Variants in NDUFA12 observed in about 807,000 individuals in gnomAD.
NDUFA12 encodes the protein NADH dehydrogenase [ubiquinone] 1 alpha subcomplex subunit 12.
In NDUFA12, 17 loss-of-function variants were observed where a neutral mutation model predicts 20.3. That is an observed-to-expected ratio of 0.84 (90% CI 0.57 to 1.26). The LOEUF is 1.26. Among genes scored for constraint, NDUFA12 ranks in the 50% most tolerant of loss-of-function variants. NDUFA12 has a pLI of 0.00. For synonymous variants in NDUFA12, 72 were observed against 63.6 expected, an observed-to-expected ratio of 1.13 and a Z score of -0.63; for missense variants, 191 against 183.7, an observed-to-expected ratio of 1.04 and a Z score of -0.23.
chr12:95,003,685 C>G lies in NDUFA12; in HGVS notation c.-5G>C, dbSNP rs1226451390. 6.2e-7 allele frequency: 1 copy of G among 1,614,050 alleles called. No individual in the cohort carries two copies. Among genetic ancestry groups the G allele is most frequent in the Non-Finnish European group, 8.5e-7 (1 of 1,180,022 alleles). On this transcript the variant is annotated 5_prime_UTR_variant, in exon 1 of 4. Transcript: ENST00000327772. Reference sequence around the variant, plus strand: ...CAGGACCTGCACTAACTCCATCTTGCCTCGCTGGCCCCGCCTCCCGGGTGC... The same window carrying G: ...CAGGACCTGCACTAACTCCATCTTGGCTCGCTGGCCCCGCCTCCCGGGTGC...
intron 2 of NDUFA12, 149 bp downstream of exon 2, chr12:95,002,590 T>A: frequency 1.5e-6 from 1 of 687,126 alleles, no homozygotes; most frequent in Non-Finnish European, 2.5e-6. Context: ...ACTTTTCTTT[T>A]TTCTGTAAAT....
intron 3 of NDUFA12, among the ~76,000 whole-genome samples, chr12:94,981,786 TTAGGTTC>T (rs1874248523): frequency 6.6e-6 from 1 of 152,216 alleles, no homozygotes; most frequent in African/African-American, 2.4e-5. Flanking sequence ...GCAGACTGTG[TTAGGTTC>T]TAGGCAATCC....
chr12:94,985,647 A>T (rs888366712), intron 3 of NDUFA12, among the ~76,000 whole-genome samples: 2 of 150,756 alleles, frequency 1.3e-5, no homozygotes, highest in African/African-American at 2.4e-5. Flanking sequence ...AAAAAAAAAA[A>T]GCGGTTGGCA....
Position 94,985,452 on chromosome 12 carries a change from G to A in NDUFA12, c.257+8718C>T, listed in dbSNP as rs529231537. 4.0e-5 allele frequency among the ~76,000 whole-genome samples: 6 copies of A among 151,522 alleles called. No individual in the cohort carries two copies. The East Asian group carries it at 9.8e-4, about 25-fold the overall frequency. ...ATCCTGGCTAACATGGTGAAACCTC[G>A]TCTCTACTAAAAAAATACAAAAAAT... On this transcript the variant is annotated intron_variant, in intron 3 of 3. Transcript: ENST00000327772.
intron 3 of NDUFA12, among the ~76,000 whole-genome samples, chr12:94,979,740 C>G (rs934519820): frequency 6.6e-6 from 1 of 150,982 alleles, no homozygotes. Context: ...GTGGCAGAGG[C>G]ACAAGAATTG....
intron 2 of NDUFA12, among the ~76,000 whole-genome samples, chr12:94,995,194 A>G (rs1845951889): frequency 6.6e-6 from 1 of 152,382 alleles, no homozygotes; most frequent in East Asian, 1.9e-4. Context: ...CCAGGTAAAC[A>G]TATAATCAAC....
chr12:94,986,787 T>A (rs1432740578), intron 3 of NDUFA12, among the ~76,000 whole-genome samples: 1 of 152,000 alleles, frequency 6.6e-6, no homozygotes, highest in Admixed American at 6.6e-5. Context: ...TGAGACCCTA[T>A]CTCAAATAAA....
At chr12:94,987,036 C>T (rs774457353) in intron 3 of NDUFA12, among the ~76,000 whole-genome samples, 14 of 152,100 alleles carry the variant, frequency 9.2e-5, no homozygotes, top group Non-Finnish European at 1.5e-4. Context: ...CCACAAAATG[C>T]TAATTAATTT....
In NDUFA12 at chr12:95,002,603, T is replaced by C. The variant is rs542115084; in HGVS notation, c.169+136A>G. On this transcript the variant is annotated intron_variant, in intron 2 of 3. Transcript: ENST00000327772. ...TTACTTTTCTTTTTTCTGTAAATTA[T>C]CTTTTTTCATTTTCTATTGAGTTTT... 55 of 718,620 alleles carry C rather than the reference T, an allele frequency of 7.7e-5. No homozygotes were observed. The Admixed American group carries it at 1.3e-3, about 17-fold the overall frequency. The allele number at this position is 718,620 out of a possible 1,614,324, so 44.5% of individuals were successfully genotyped here.
At chr12:95,002,430 T>C (rs1180830674) in intron 2 of NDUFA12, among the ~76,000 whole-genome samples, 2 of 31,554 alleles carry the variant, frequency 6.3e-5, no homozygotes, top group African/African-American at 3.1e-4. Context: ...CGACAGAGAC[T>C]CCATCTCAAA....
intron 3 of NDUFA12, among the ~76,000 whole-genome samples, chr12:94,983,174 T>C (rs1334204230): frequency 2.0e-5 from 3 of 152,080 alleles, no homozygotes; most frequent in African/African-American, 7.2e-5. Context: ...GACTGGTTTT[T>C]CTCTCAAAAG....
At chr12:95,000,377 T>C (rs1395731836) in intron 2 of NDUFA12, among the ~76,000 whole-genome samples, 3 of 152,080 alleles carry the variant, frequency 2.0e-5, no homozygotes, top group Admixed American at 6.6e-5. Context: ...GTGACAGATA[T>C]ACCAAAATCT....
intron 2 of NDUFA12, among the ~76,000 whole-genome samples, chr12:94,995,455 CTG>C (rs201420074): frequency 6.6e-6 from 1 of 152,174 alleles, no homozygotes. Flanking sequence ...CTCTCTCTCT[CTG>C]TCTGTCTCTC....
intron 3 of NDUFA12, chr12:94,972,395 A>G: frequency 2.4e-6 from 1 of 420,522 alleles, no homozygotes; most frequent in Non-Finnish European, 4.8e-6. Flanking sequence ...ATAAAAATAC[A>G]GTATTACTAT....
chr12:94,997,112 G>A (rs918156638), intron 2 of NDUFA12: 20 of 255,542 alleles, frequency 7.8e-5, no homozygotes, highest in African/African-American at 4.4e-4. Context: ...AGGCTAAGGC[G>A]GGAGGATTGC....
chr12:94,994,380 A>T (rs1592704919), intron 2 of NDUFA12, 123 bp from the exon 3 acceptor site: 12 of 723,656 alleles, frequency 1.7e-5, no homozygotes, highest in Non-Finnish European at 2.5e-5. Context: ...TAAGAGAGCT[A>T]TTGGAGGAAT....
intron 3 of NDUFA12, among the ~76,000 whole-genome samples, chr12:94,975,739 T>C (rs1874045079): frequency 6.6e-6 from 1 of 152,188 alleles, no homozygotes; most frequent in African/African-American, 2.4e-5. Context: ...TAAGGCATTA[T>C]TAACATTTAT....
At position 95,001,848 on chromosome 12, in the gene NDUFA12, G is replaced by T. The variant is rs577318346; in HGVS notation, c.169+891C>A. On this transcript the variant is annotated intron_variant, in intron 2 of 3. Transcript: ENST00000327772. Reference sequence around the variant, plus strand: ...GCCTCTCAGGTAGCTGGGATTACAGGCACACGCCACCACATCCAGCTAATT... The same window carrying T: ...GCCTCTCAGGTAGCTGGGATTACAGTCACACGCCACCACATCCAGCTAATT... Among the ~76,000 whole-genome samples, 15 of 151,944 alleles carry T rather than the reference G, an allele frequency of 9.9e-5. No homozygotes were observed. In the South Asian group the frequency reaches 3.1e-3, roughly 32 times the overall value.
At position 94,983,894 on chromosome 12, in the gene NDUFA12, T is replaced by C. The variant is rs1222662570; in HGVS notation, c.257+10276A>G. On this transcript the variant is annotated intron_variant, in intron 3 of 3. Coordinates refer to ENST00000327772, the MANE Select transcript of NDUFA12 (RefSeq NM_018838.5). Reference sequence around the variant, plus strand: ...AGTCATTAAGTGGGCCCGAGGAATGTAGCACTTGGTATGTGAGGGAGGGTG... The same window carrying C: ...AGTCATTAAGTGGGCCCGAGGAATGCAGCACTTGGTATGTGAGGGAGGGTG... 1.4e-4 allele frequency among the ~76,000 whole-genome samples: 4 copies of C among 28,182 alleles called. No homozygotes were observed. In the Admixed American group the frequency reaches 2.0e-3, roughly 14 times the overall value. 18.5% of individuals were successfully genotyped at this position (28,182 alleles called of 152,430 possible).
Sources: gnomAD v4.1 joint callset for allele counts (sites outside exome capture counted in the v4.1 genomes callset) on GRCh38, gnomAD v4.1.1 for gene constraint, MANE v1.5 for transcripts, NCBI Gene and HGNC (gene_info 2026-07-23, HGNC 2026-07-21) for gene names.